The following MAN2A1 variants were observed in gnomAD, a reference collection of about 807,000 sequenced individuals.
MAN2A1 encodes the protein mannosidase alpha class 2A member 1, also known as alpha-mannosidase 2.
Under a neutral mutation model 142.6 loss-of-function variants are expected in MAN2A1, and 76 were observed. The ratio of observed to expected loss-of-function variants is 0.53; its 90% CI spans 0.44 to 0.65. The LOEUF is 0.65. MAN2A1 is among the 30% of genes least tolerant of loss of function. The pLI, the probability that MAN2A1 is intolerant of heterozygous loss-of-function variation, is 0.00. For synonymous variants in MAN2A1, 559 were observed against 473.2 expected, an observed-to-expected ratio of 1.18 and a Z score of -2.35; for missense variants, 1,311 against 1,365.1, an observed-to-expected ratio of 0.96 and a Z score of 0.62.
At chr5:109,789,159 T>C (rs974279260) in intron 11 of MAN2A1, 111 bp downstream of exon 11, 3 of 594,146 alleles carry the variant, frequency 5.0e-6, no homozygotes, top group Non-Finnish European at 8.6e-6. Context: ...TAATTTTTTG[T>C]ACATTATTTG....
At chr5:109,703,437 A>G (rs962150513) in intron 1 of MAN2A1, among the ~76,000 whole-genome samples, 6 of 152,238 alleles carry the variant, frequency 3.9e-5, no homozygotes, top group African/African-American at 1.4e-4. Flanking sequence ...TGTTAACAAC[A>G]TGACCCTGTT....
intron 10 of MAN2A1, among the ~76,000 whole-genome samples, chr5:109,786,212 A>G (rs1320098143): frequency 6.6e-6 from 1 of 152,042 alleles, no homozygotes; most frequent in Non-Finnish European, 1.5e-5. Flanking sequence ...TATTTCTCCC[A>G]CAGAAACCAT....
At chr5:109,785,038 A>G in intron 10 of MAN2A1, 112 bp downstream of exon 10, 7 of 693,184 alleles carry the variant, frequency 1.0e-5, no homozygotes, top group Non-Finnish European at 1.6e-5. Context: ...TAACAATGAT[A>G]TCCCTCATAA....
intron 20 of MAN2A1, among the ~76,000 whole-genome samples, chr5:109,861,962 T>C (rs1009508458): frequency 6.6e-6 from 1 of 152,176 alleles, no homozygotes; most frequent in Non-Finnish European, 1.5e-5. Context: ...TTCTCGTATA[T>C]TTACATATTT....
intron 4 of MAN2A1, among the ~76,000 whole-genome samples, chr5:109,734,681 T>C (rs1012342665): frequency 1.3e-5 from 2 of 152,210 alleles, no homozygotes; most frequent in African/African-American, 4.8e-5. Flanking sequence ...TTGAGTGGTT[T>C]TGAGTGAGTT....
rs143082461 is a variant in MAN2A1 at position 109,855,165 on chromosome 5, A to G, written c.3002A>G (p.Tyr1001Cys). 3.8e-5 allele frequency: 60 copies of G among 1,567,334 alleles called. No individual in the cohort carries two copies. The African/African-American group carries it at 7.8e-4, about 20-fold the overall frequency. The change falls in exon 20 of 22, where the codon TAT becomes TGT. Residue 1001 changes from tyrosine to cysteine, a missense_variant. Transcript: ENST00000261483. ...GAAGAAGAAAAGAAGTCGGTCAGTT[A>G]TCCTTCTCTCCTTAGCCACATAACT... ...NTEEEKKSVS[Y>C]PSLLSHITSS...
At chr5:109,841,466 G>A (rs557162624) in intron 16 of MAN2A1, among the ~76,000 whole-genome samples, 1 of 152,284 alleles carries the variant, frequency 6.6e-6, no homozygotes, top group South Asian at 2.1e-4. Context: ...CGCTGCAAAT[G>A]CCATTAATTC....
At chr5:109,829,865 G>T (rs1358005745) in intron 16 of MAN2A1, among the ~76,000 whole-genome samples, 5 of 152,156 alleles carry the variant, frequency 3.3e-5, no homozygotes, top group African/African-American at 9.7e-5. Flanking sequence ...GAAAATTGGT[G>T]TAGTCTTCGT....
intron 3 of MAN2A1, among the ~76,000 whole-genome samples, chr5:109,721,869 T>A (rs1751612784): frequency 6.6e-6 from 1 of 152,196 alleles, no homozygotes; most frequent in Admixed American, 6.5e-5. Flanking sequence ...TACAAATAAT[T>A]ACTAACACTT....
At position 109,810,327 on chromosome 5, in the gene MAN2A1, G is replaced by A. The variant is rs149089678; in HGVS notation, c.1944-6946G>A. Among the ~76,000 whole-genome samples, 410 of 152,188 alleles carry A rather than the reference G, an allele frequency of 2.7e-3. 3 individuals carry two copies. Among genetic ancestry groups the A allele is most frequent in the African/African-American group, 9.0e-3 (373 of 41,534 alleles). The stretch of plus-strand genomic sequence containing the variant: ...TCTAGAAAATATCTTCTTCTAGATA[G>A]ATGTTCCAATCAAGGACTATGTTAA... On this transcript the variant is annotated intron_variant, in intron 12 of 21. Coordinates refer to ENST00000261483, the MANE Select transcript of MAN2A1 (RefSeq NM_002372.4).
intron 1 of MAN2A1, among the ~76,000 whole-genome samples, chr5:109,695,507 A>T (rs996592933): frequency 4.6e-5 from 7 of 152,238 alleles, no homozygotes; most frequent in African/African-American, 1.7e-4. Flanking sequence ...TGAGTGGTTC[A>T]CTAGCTGTTG....
At chr5:109,700,464 G>A (rs1018676050) in intron 1 of MAN2A1, among the ~76,000 whole-genome samples, 12 of 152,142 alleles carry the variant, frequency 7.9e-5, no homozygotes, top group South Asian at 4.1e-4. Context: ...CAGATGTAGA[G>A]GAATGTGGCA....
chr5:109,750,769 C>T (rs1022709961), intron 4 of MAN2A1, among the ~76,000 whole-genome samples: 19 of 152,136 alleles, frequency 1.2e-4, no homozygotes, highest in Middle Eastern at 3.4e-3. Flanking sequence ...TTAAGTCACT[C>T]TGATTGAGTC....
rs190679695 is a variant in MAN2A1, at chr5:109,834,919, C to G, written c.2567-7409C>G. On this transcript the variant is annotated intron_variant, in intron 16 of 21. Coordinates refer to ENST00000261483, the MANE Select transcript of MAN2A1 (RefSeq NM_002372.4). Reference sequence around the variant, plus strand: ...GAGTCAACATGGAAAAAAAGATCATCCAGTAGTGGGAATTATTACCATTTT... The same window carrying G: ...GAGTCAACATGGAAAAAAAGATCATGCAGTAGTGGGAATTATTACCATTTT... Among the ~76,000 whole-genome samples the G allele has an allele frequency of 4.2e-4, 64 of 152,056 alleles. 1 individual carries two copies. In the Middle Eastern group the frequency reaches 0.01, roughly 24 times the overall value.
intron 20 of MAN2A1, among the ~76,000 whole-genome samples, chr5:109,856,546 G>T (rs1020581895): frequency 2.6e-5 from 4 of 152,206 alleles, no homozygotes; most frequent in Non-Finnish European, 5.9e-5. Flanking sequence ...AGAAAAGGCA[G>T]AGAGGAAGGG....
intron 4 of MAN2A1, among the ~76,000 whole-genome samples, chr5:109,732,705 C>T (rs1472801843): frequency 2.0e-5 from 3 of 152,150 alleles, no homozygotes; most frequent in African/African-American, 7.2e-5. Context: ...GGGCTGTGTT[C>T]TGTTCCATTG....
chr5:109,786,912 G>A (rs1396976899), intron 10 of MAN2A1, among the ~76,000 whole-genome samples: 1 of 151,990 alleles, frequency 6.6e-6, no homozygotes, highest in Non-Finnish European at 1.5e-5. Flanking sequence ...TGGTATGGCA[G>A]CTCTGCAGTG....
At chr5:109,749,596 T>G (rs2112618925) in intron 4 of MAN2A1, among the ~76,000 whole-genome samples, 1 of 152,212 alleles carries the variant, frequency 6.6e-6, no homozygotes, top group Non-Finnish European at 1.5e-5. Flanking sequence ...TTACCCAATA[T>G]CCTTTCACTT....
intron 3 of MAN2A1, among the ~76,000 whole-genome samples, chr5:109,723,983 A>G (rs771364770): frequency 7.2e-5 from 11 of 152,208 alleles, no homozygotes; most frequent in Admixed American, 1.3e-4. Flanking sequence ...GATGCAAGGT[A>G]CATGTTTGAA....
Sources: allele counts gnomAD v4.1 joint callset (sites outside exome capture counted in the v4.1 genomes callset), GRCh38; gene constraint gnomAD v4.1.1; transcripts MANE v1.5; gene names NCBI Gene and HGNC (gene_info 2026-07-23, HGNC 2026-07-21).